The following PIGU variants were observed in gnomAD, a reference collection of about 807,000 sequenced individuals.
The protein encoded by PIGU is GPI-anchor transamidase component PIGU.
PIGU carries 24 observed loss-of-function variants against 49.9 expected under a neutral mutation model. That is an observed-to-expected ratio of 0.48 (90% CI 0.35 to 0.68). The LOEUF is 0.68. Among genes scored for constraint, PIGU ranks in the 30% least tolerant of loss-of-function variants. The pLI, the probability that PIGU is intolerant of heterozygous loss-of-function variation, is 0.01. For synonymous variants in PIGU, 220 were observed against 205.7 expected (o/e 1.07, Z -0.59); for missense variants, 490 against 532.6 (o/e 0.92, Z 0.79).
chr20:34,584,967 C>T (rs1054231649), intron 9 of PIGU, among the ~76,000 whole-genome samples: 9 of 152,154 alleles, frequency 5.9e-5, no homozygotes, highest in East Asian at 1.9e-4. Context: ...GGATTATATG[C>T]GTGAGCCACT....
intron 3 of PIGU, among the ~76,000 whole-genome samples, chr20:34,644,791 A>T (rs918927199): frequency 6.6e-6 from 1 of 152,140 alleles, no homozygotes; most frequent in Non-Finnish European, 1.5e-5. Context: ...AATGCTTAGG[A>T]CAAATTCAGA....
At chr20:34,578,471 T>C (rs1280366184) in intron 10 of PIGU, among the ~76,000 whole-genome samples, 2 of 152,212 alleles carry the variant, frequency 1.3e-5, no homozygotes, top group East Asian at 1.9e-4. Flanking sequence ...ATACAGACTA[T>C]TCCCAAAATA....
chr20:34,676,217 T>G (rs1209938583), intron 1 of PIGU, among the ~76,000 whole-genome samples: 1 of 152,034 alleles, frequency 6.6e-6, no homozygotes, highest in African/African-American at 2.4e-5. Context: ...CCTTCAAGAG[T>G]CAGCTCAAAT....
intron 7 of PIGU, among the ~76,000 whole-genome samples, chr20:34,611,005 G>A (rs1044951617): frequency 5.9e-5 from 9 of 152,150 alleles, no homozygotes; most frequent in African/African-American, 2.2e-4. Flanking sequence ...CTAGCCATAC[G>A]CAGAAAACAG....
chr20:34,623,339 A>G (rs899675333), intron 6 of PIGU, among the ~76,000 whole-genome samples: 1 of 151,548 alleles, frequency 6.6e-6, no homozygotes, highest in Admixed American at 6.6e-5. Flanking sequence ...TGTTCTTTTA[A>G]CGGGGCAGCC....
intron 7 of PIGU, among the ~76,000 whole-genome samples, chr20:34,595,347 A>G (rs1048430845): frequency 6.6e-6 from 1 of 152,192 alleles, no homozygotes; most frequent in African/African-American, 2.4e-5. Flanking sequence ...TATAAGAACT[A>G]TTTACATTGT....
intron 10 of PIGU, among the ~76,000 whole-genome samples, chr20:34,577,302 G>T (rs1032665756): frequency 9.2e-5 from 14 of 152,288 alleles, no homozygotes; most frequent in African/African-American, 3.4e-4. Flanking sequence ...AAAGGGTGGA[G>T]AAACTCCCAA....
intron 7 of PIGU, among the ~76,000 whole-genome samples, chr20:34,591,424 A>G (rs953854674): frequency 6.6e-6 from 1 of 152,166 alleles, no homozygotes; most frequent in Non-Finnish European, 1.5e-5. Flanking sequence ...TACAAATCAT[A>G]CTTATATAGA....
At chr20:34,570,654 C>T (rs1288291519) in intron 11 of PIGU, among the ~76,000 whole-genome samples, 1 of 152,096 alleles carries the variant, frequency 6.6e-6, no homozygotes, top group Non-Finnish European at 1.5e-5. Flanking sequence ...ACCTCATGAT[C>T]CCAAAGTGCT....
chr20:34,566,019 C>A (rs866364694), intron 11 of PIGU, among the ~76,000 whole-genome samples: 1 of 151,322 alleles, frequency 6.6e-6, no homozygotes, highest in African/African-American at 2.4e-5. Flanking sequence ...CACATGCTCA[C>A]ACACACAGAT....
chr20:34,638,055 AGAC>A (rs1600650160), intron 4 of PIGU, 70 bp from the exon 5 acceptor site: 2 of 1,516,864 alleles, frequency 1.3e-6, no homozygotes, highest in East Asian at 4.7e-5. Flanking sequence ...TTTATGCTGA[AGAC>A]AAAAGTCCTT....
At chr20:34,632,838 G>A (rs1985830860) in intron 6 of PIGU, among the ~76,000 whole-genome samples, 1 of 151,976 alleles carries the variant, frequency 6.6e-6, no homozygotes, top group African/African-American at 2.4e-5. Context: ...AGGACAGACT[G>A]GGGTAGGATA....
chr20:34,640,989 G>A (rs928991956), intron 4 of PIGU, among the ~76,000 whole-genome samples: 1 of 152,148 alleles, frequency 6.6e-6, no homozygotes, highest in African/African-American at 2.4e-5. Context: ...CGCCTCCCGG[G>A]TTCAAGTGAT....
chr20:34,596,299 C>A (rs1371063591), intron 7 of PIGU, among the ~76,000 whole-genome samples: 2 of 152,164 alleles, frequency 1.3e-5, no homozygotes, highest in Admixed American at 1.3e-4. Flanking sequence ...GAAGAACTGT[C>A]TCAGACTAGG....
chr20:34,563,877 C>T lies in PIGU; in HGVS notation c.1195-2898G>A, dbSNP rs528764309. 6.6e-5 allele frequency among the ~76,000 whole-genome samples: 10 copies of T among 152,256 alleles called. No homozygotes were observed. In the East Asian group the frequency reaches 1.9e-3, roughly 29 times the overall value. On this transcript the variant is annotated intron_variant, in intron 11 of 11. Coordinates refer to ENST00000217446, the MANE Select transcript of PIGU (RefSeq NM_080476.5). ...CATCAGCTTGAAATCACGTGGCTAG[C>T]ATGTAACCCCAATAGATGTGATGAG...
intron 10 of PIGU, among the ~76,000 whole-genome samples, chr20:34,575,623 CT>C (rs1983196512): frequency 6.6e-6 from 1 of 152,154 alleles, no homozygotes; most frequent in Admixed American, 6.5e-5. Context: ...AGGGTGCCAT[CT>C]GGCCATGTGG....
intron 2 of PIGU, among the ~76,000 whole-genome samples, chr20:34,645,679 A>C (rs1327757271): frequency 6.6e-6 from 1 of 152,122 alleles, no homozygotes; most frequent in East Asian, 1.9e-4. Flanking sequence ...GCAGATCACC[A>C]GGTCAGGAGA....
intron 7 of PIGU, among the ~76,000 whole-genome samples, chr20:34,607,266 C>T (rs1268896109): frequency 6.6e-6 from 1 of 152,180 alleles, no homozygotes; most frequent in Non-Finnish European, 1.5e-5. Flanking sequence ...GGACCCCTGA[C>T]CTAAAGTGAG....
intron 4 of PIGU, among the ~76,000 whole-genome samples, chr20:34,638,773 C>A (rs1986051396): frequency 6.6e-6 from 1 of 152,150 alleles, no homozygotes; most frequent in Admixed American, 6.5e-5. Flanking sequence ...GGGTGGAAAG[C>A]TCTTGCCTTC....
Sources: allele counts gnomAD v4.1 joint callset (sites outside exome capture counted in the v4.1 genomes callset), GRCh38; gene constraint gnomAD v4.1.1; transcripts MANE v1.5; gene names NCBI Gene and HGNC (gene_info 2026-07-23, HGNC 2026-07-21).